GPHN: variants seen among roughly 807,000 people sequenced by gnomAD.
The protein encoded by GPHN is gephyrin.
Under a neutral mutation model 95.5 loss-of-function variants are expected in GPHN, and 17 were observed. That is an observed-to-expected ratio of 0.18 (90% confidence interval 0.12 to 0.27). The LOEUF (loss-of-function observed/expected upper bound fraction) is 0.27, where lower values mean the gene tolerates loss of function less well. Among genes scored for constraint, GPHN ranks in the 10% least tolerant of loss-of-function variants. The probability of loss-of-function intolerance (pLI) is 1.00; values close to 1 mark genes in which losing one functional copy is unlikely to be tolerated. For synonymous variants in GPHN, 320 were observed against 322.5 expected (o/e 0.99, Z 0.08); for missense variants, 660 against 978.1 (o/e 0.67, Z 4.34).
the GPHN span, among the ~76,000 whole-genome samples, chr14:67,322,575 T>C: frequency 6.6e-6 from 1 of 152,130 alleles, no homozygotes; most frequent in Non-Finnish European, 1.5e-5. Context: ...AAAATAGTAA[T>C]TAGGGATTTT....
chr14:67,367,861 G>A, the GPHN span, among the ~76,000 whole-genome samples: 2 of 151,968 alleles, frequency 1.3e-5, no homozygotes, highest in Non-Finnish European at 2.9e-5. Context: ...AGAGGTGAAG[G>A]AAGTTCTTTA....
the GPHN span, among the ~76,000 whole-genome samples, chr14:67,655,169 G>A: frequency 1.6e-4 from 25 of 151,646 alleles, no homozygotes; most frequent in Non-Finnish European, 3.2e-4. Flanking sequence ...ATGAGACCCC[G>A]TTTTTACAAA....
chr14:66,674,975 A>G (rs547448666), intron 1 of GPHN, among the ~76,000 whole-genome samples: 67 of 152,238 alleles, frequency 4.4e-4, no homozygotes, highest in South Asian at 2.1e-3. Flanking sequence ...CGTCACCAGC[A>G]TATGTTATCT....
chr14:67,358,110 G>C, the GPHN span, among the ~76,000 whole-genome samples: 26 of 152,208 alleles, frequency 1.7e-4, no homozygotes, highest in Admixed American at 1.7e-3. Context: ...GGGCGGCGGG[G>C]GGCGGCCTGG....
chr14:67,193,954 C>CAA, the GPHN span, among the ~76,000 whole-genome samples: 1 of 85,760 alleles, frequency 1.2e-5, no homozygotes, highest in Non-Finnish European at 2.5e-5. Flanking sequence ...CAAAAAAAAA[C>CAA]AAAAAAAAAA....
At chr14:66,551,857 G>A (rs2059823994) in intron 1 of GPHN, among the ~76,000 whole-genome samples, 1 of 152,104 alleles carries the variant, frequency 6.6e-6, no homozygotes, top group Non-Finnish European at 1.5e-5. Context: ...AGAACAGCAA[G>A]GGGGAATCCA....
At chr14:66,666,056 A>G (rs1424930817) in intron 1 of GPHN, among the ~76,000 whole-genome samples, 2 of 141,178 alleles carry the variant, frequency 1.4e-5, no homozygotes, top group Non-Finnish European at 3.1e-5. Context: ...AACAATAACA[A>G]CACTTGAACA....
At chr14:66,677,858 G>T (rs890868511) in intron 1 of GPHN, among the ~76,000 whole-genome samples, 9 of 152,084 alleles carry the variant, frequency 5.9e-5, no homozygotes, top group Non-Finnish European at 1.2e-4. Context: ...GGATAACTTT[G>T]TTGGGTATAG....
At chr14:67,225,964 C>T in the GPHN span, among the ~76,000 whole-genome samples, 11,110 of 41,674 alleles carry the variant, frequency 0.27, 499 homozygotes, top group African/African-American at 0.32. Context: ...TGTGTGTGTG[C>T]GCGCGCGCGC....
intron 16 of GPHN, 45 bp from the exon 17 acceptor site, chr14:67,122,211 C>T (rs1164829855): frequency 1.3e-6 from 2 of 1,599,858 alleles, no homozygotes; most frequent in Non-Finnish European, 1.7e-6. Flanking sequence ...AAATATGCAA[C>T]ATTAACCTAA....
the GPHN span, chr14:67,580,237 A>C: frequency 5.0e-6 from 1 of 201,056 alleles, no homozygotes; most frequent in Non-Finnish European, 1.0e-5. Flanking sequence ...GACCCCCTGG[A>C]TGTCAGGTGG....
the GPHN span, among the ~76,000 whole-genome samples, chr14:67,378,314 C>CTTT: frequency 0.017 from 1,866 of 107,534 alleles, 18 homozygotes; most frequent in Non-Finnish European, 0.027. Context: ...TCTCATGTGA[C>CTTT]TTTTTTTTTT....
chr14:67,412,174 C>A, the GPHN span: 1 of 812,100 alleles, frequency 1.2e-6, no homozygotes, highest in Non-Finnish European at 1.7e-6. Context: ...GCAGCTCCGA[C>A]GCGGCAGGGC....
chr14:67,469,347 GC>G, the GPHN span, among the ~76,000 whole-genome samples: 28,884 of 151,348 alleles, frequency 0.19, 3,335 homozygotes, highest in African/African-American at 0.34. Flanking sequence ...TGCAATCATA[GC>G]TCACTGCAAC....
At chr14:66,702,260 C>A (rs913002043) in intron 2 of GPHN, among the ~76,000 whole-genome samples, 2 of 152,202 alleles carry the variant, frequency 1.3e-5, no homozygotes, top group Non-Finnish European at 2.9e-5. Flanking sequence ...TGGGTTTTCC[C>A]CCAGTGAAGC....
intron 4 of GPHN, among the ~76,000 whole-genome samples, chr14:66,841,267 T>C (rs114498802): frequency 1.3e-5 from 2 of 151,874 alleles, no homozygotes; most frequent in African/African-American, 4.8e-5. Context: ...TAATTTTAAA[T>C]AGGGTCATCC....
At chr14:66,918,698 C>T (rs1453609143) in intron 6 of GPHN, among the ~76,000 whole-genome samples, 1 of 151,954 alleles carries the variant, frequency 6.6e-6, no homozygotes, top group Non-Finnish European at 1.5e-5. Context: ...CTCTGGTGCC[C>T]AAAGTCCATG....
At chr14:67,657,869 C>A in the GPHN span, among the ~76,000 whole-genome samples, 2 of 151,976 alleles carry the variant, frequency 1.3e-5, no homozygotes, top group South Asian at 4.2e-4. Flanking sequence ...CTGCCTCAGC[C>A]TCCCAAGTAA....
chr14:67,626,189 G>C, the GPHN span, among the ~76,000 whole-genome samples: 4 of 152,118 alleles, frequency 2.6e-5, no homozygotes, highest in Non-Finnish European at 5.9e-5. Context: ...AGGAGGTGGA[G>C]GTTGCAGTGA....
Sources: gnomAD v4.1 joint callset for allele counts (sites outside exome capture counted in the v4.1 genomes callset) on GRCh38, gnomAD v4.1.1 for gene constraint, MANE v1.5 for transcripts, NCBI Gene and HGNC (gene_info 2026-07-23, HGNC 2026-07-21) for gene names.